The following TLK1 variants were observed in gnomAD, a reference collection of about 807,000 sequenced individuals.
The protein encoded by TLK1 is tousled like kinase 1.
In TLK1, 24 loss-of-function variants were observed where a neutral mutation model predicts 105.3. The observed-to-expected ratio is 0.23, with a 90% CI of 0.17 to 0.32. TLK1 has a LOEUF of 0.32. Ranked by LOEUF, TLK1 falls within the 10% of genes least tolerant of loss-of-function variation. The pLI is 1.00. For synonymous variants in TLK1, 321 were observed against 310.4 expected, an observed-to-expected ratio of 1.03 and a Z score of -0.36; for missense variants, 558 against 910.5, an observed-to-expected ratio of 0.61 and a Z score of 4.98.
At chr2:171,108,298 A>G (rs185069190) in intron 2 of TLK1, among the ~76,000 whole-genome samples, 1 of 152,306 alleles carries the variant, frequency 6.6e-6, no homozygotes. Context: ...ACCCACAGGA[A>G]TGCAGTTTGA....
intron 12 of TLK1, among the ~76,000 whole-genome samples, chr2:171,026,997 G>A (rs903560010): frequency 6.6e-6 from 1 of 152,084 alleles, no homozygotes; most frequent in African/African-American, 2.4e-5. Context: ...AGTAGTTTAC[G>A]TTGAAGCTTT....
chr2:171,145,848 A>G (rs1456644991), intron 1 of TLK1, among the ~76,000 whole-genome samples: 1 of 152,210 alleles, frequency 6.6e-6, no homozygotes, highest in Non-Finnish European at 1.5e-5. Flanking sequence ...GGATCCATTT[A>G]TATCAAACTC....
upstream of TLK1, among the ~76,000 whole-genome samples, chr2:171,162,352 A>G (rs530621311): frequency 6.6e-6 from 1 of 152,342 alleles, no homozygotes; most frequent in East Asian, 1.9e-4. Context: ...AGCCTGGCCA[A>G]CATGGTGAAA....
intron 1 of TLK1, among the ~76,000 whole-genome samples, chr2:171,124,537 T>TCCA (rs1690790741): frequency 6.6e-6 from 1 of 152,356 alleles, no homozygotes; most frequent in South Asian, 2.1e-4. Flanking sequence ...CTGATGCTAG[T>TCCA]TAAGTCCAAA....
intron 1 of TLK1, among the ~76,000 whole-genome samples, chr2:171,209,715 A>G (rs955005180): frequency 2.0e-5 from 3 of 152,170 alleles, no homozygotes; most frequent in African/African-American, 7.2e-5. Flanking sequence ...TGGAGTCCTT[A>G]TAAGAAGAGG....
At chr2:171,047,022 T>A (rs987634403) in intron 10 of TLK1, among the ~76,000 whole-genome samples, 4 of 151,956 alleles carry the variant, frequency 2.6e-5, no homozygotes, top group South Asian at 2.1e-4. Context: ...ATGAGAAAAA[T>A]TTTTTTGATA....
intron 1 of TLK1, among the ~76,000 whole-genome samples, chr2:171,203,502 T>C (rs1693441750): frequency 6.6e-6 from 1 of 152,228 alleles, no homozygotes; most frequent in South Asian, 2.1e-4. Context: ...TTCATCCGCA[T>C]TGTAGAATAT....
At chr2:171,021,115 A>C (rs1368159758) in intron 12 of TLK1, among the ~76,000 whole-genome samples, 1 of 152,194 alleles carries the variant, frequency 6.6e-6, no homozygotes, top group Non-Finnish European at 1.5e-5. Context: ...TACATGCATT[A>C]ATACCCGTAA....
At chr2:171,002,296 T>A (rs1684417412) in intron 18 of TLK1, among the ~76,000 whole-genome samples, 1 of 152,160 alleles carries the variant, frequency 6.6e-6, no homozygotes. Context: ...TCTGGCTCTG[T>A]CACCCAGGCT....
Position 171,160,683 on chromosome 2 carries a change from G to A in TLK1, c.-255C>T, listed in dbSNP as rs1020691224. 132 of 548,920 alleles carry A rather than the reference G, an allele frequency of 2.4e-4. No homozygotes were observed. The highest frequency in any genetic ancestry group is 2.2e-3 in the African/African-American group (110 of 49,892). 34.0% of individuals were successfully genotyped at this position (548,920 alleles called of 1,614,324 possible). A position where few individuals can be genotyped will look rare whatever the true frequency, so the allele number is the denominator to read the frequency against. On this transcript the variant is annotated 5_prime_UTR_variant, in exon 1 of 21. Transcript: ENST00000431350. The surrounding 1 kb of genome is among the most constrained non-coding windows in gnomAD (Gnocchi z 4.4). ...GAGCGAGCGGGCGCGCCAGAGGAGA[G>A]GAGGAGGAAAGGAGCGCGGCGGCGG... is the stretch of plus-strand genomic sequence containing the variant.
At chr2:171,193,898 A>G (rs943731251) in intron 1 of TLK1, among the ~76,000 whole-genome samples, 2 of 150,574 alleles carry the variant, frequency 1.3e-5, no homozygotes, top group Non-Finnish European at 2.9e-5. Context: ...TTTTGTATTT[A>G]TAGTGAAGAC....
intron 6 of TLK1, among the ~76,000 whole-genome samples, chr2:171,055,768 T>G (rs990967978): frequency 6.6e-6 from 1 of 151,942 alleles, no homozygotes; most frequent in Non-Finnish European, 1.5e-5. Context: ...AAACCAAGTA[T>G]GTCTAAAGAC....
intron 2 of TLK1, among the ~76,000 whole-genome samples, chr2:171,097,061 T>C (rs1689483468): frequency 6.6e-6 from 1 of 152,186 alleles, no homozygotes; most frequent in African/African-American, 2.4e-5. Flanking sequence ...GGCATCATAG[T>C]ACCTGATTTC....
intron 5 of TLK1, among the ~76,000 whole-genome samples, chr2:171,057,867 T>C (rs1223797901): frequency 6.6e-6 from 1 of 152,106 alleles, no homozygotes; most frequent in Non-Finnish European, 1.5e-5. Flanking sequence ...TTTACATTTC[T>C]GGTCTTCAGT....
intron 1 of TLK1, among the ~76,000 whole-genome samples, chr2:171,184,604 T>G (rs1029799219): frequency 2.8e-5 from 4 of 145,214 alleles, no homozygotes; most frequent in Non-Finnish European, 6.0e-5. Context: ...ATCACGCCAT[T>G]GCACTCCAGC....
At chr2:171,045,025 T>C (rs1686880213) in intron 11 of TLK1, among the ~76,000 whole-genome samples, 1 of 151,906 alleles carries the variant, frequency 6.6e-6, no homozygotes, top group Admixed American at 6.6e-5. Flanking sequence ...TAAAGGGATT[T>C]GTAATTGAGG....
Position 171,014,992 on chromosome 2 carries a change from C to A in TLK1, c.1237-44G>T, listed in dbSNP as rs529271704. ...GACTATAACAAGCTCAATTTATTTGCGATATAAAAAAGATATTTTTACCCA... is the reference window on the plus strand; with the variant it reads ...GACTATAACAAGCTCAATTTATTTGAGATATAAAAAAGATATTTTTACCCA... On this transcript the variant is annotated intron_variant, in intron 12 of 20. Transcript: ENST00000431350. 1.3e-5 allele frequency: 19 copies of A among 1,417,970 alleles called. No individual in the cohort carries two copies. In the East Asian group the frequency reaches 4.1e-4, roughly 31 times the overall value. The allele number at this position is 1,417,970 out of a possible 1,614,324, so 87.8% of individuals were successfully genotyped here.
chr2:170,992,953 G>C lies in TLK1; in HGVS notation c.*827C>G, dbSNP rs1683847785. The C allele has an allele frequency of 6.6e-6, 1 of 152,652 alleles. No individual in the cohort carries two copies. Among genetic ancestry groups the C allele is most frequent in the Admixed American group, 6.5e-5 (1 of 15,290 alleles). 9.5% of individuals were successfully genotyped at this position (152,652 alleles called of 1,614,324 possible). A position where few individuals can be genotyped will look rare whatever the true frequency, so the allele number is the denominator to read the frequency against. ...TCCTGCATAGAACTGGTCTGCATTT[G>C]GTTACTCACTGTCACCTGTTTTGAT... On this transcript the variant is annotated 3_prime_UTR_variant, in exon 21 of 21. Transcript: ENST00000431350.
chr2:171,028,389 A>G lies in TLK1; in HGVS notation c.1186T>C (p.Tyr396His). The G allele has an allele frequency of 6.2e-7, 1 of 1,609,608 alleles. No individual in the cohort carries two copies. The highest frequency in any genetic ancestry group is 8.5e-7 in the Non-Finnish European group (1 of 1,176,912). Residue 396 changes from tyrosine to histidine, a missense_variant, in exon 12 of 21, where the codon TAT (tyrosine) becomes CAT (histidine). Transcript: ENST00000431350. ...NLPQLLTLAEYHEQEEIFKLR... is the reference protein window; with the variant it reads ...NLPQLLTLAEHHEQEEIFKLR... The stretch of plus-strand genomic sequence containing the variant: ...TTGAAAATTTCTTCCTGTTCATGAT[A>G]TTCTGCCAAAGTCAACCTGTCAAAA...
Sources: allele counts gnomAD v4.1 joint callset (sites outside exome capture counted in the v4.1 genomes callset), GRCh38; gene constraint gnomAD v4.1.1; non-coding constraint Gnocchi (gnomAD v3.1); transcripts MANE v1.5; gene names NCBI Gene and HGNC (gene_info 2026-07-23, HGNC 2026-07-21).